Variants in DPYD observed in about 807,000 individuals in gnomAD.
DPYD encodes the protein dihydropyrimidine dehydrogenase [NADP(+)].
In DPYD, 109 loss-of-function variants were observed where a neutral mutation model predicts 116.2. The ratio of observed to expected loss-of-function variants is 0.94; its 90% CI spans 0.80 to 1.10. DPYD has a LOEUF of 1.10. DPYD is among the 50% of genes least tolerant of loss of function. DPYD has a pLI of 0.00. For synonymous variants in DPYD, 440 were observed against 432.0 expected, an observed-to-expected ratio of 1.02 and a Z score of -0.23; for missense variants, 1,302 against 1,254.5, an observed-to-expected ratio of 1.04 and a Z score of -0.57.
intron 2 of DPYD, among the ~76,000 whole-genome samples, chr1:97,863,938 G>C (rs1571492021): frequency 6.6e-6 from 1 of 151,990 alleles, no homozygotes; most frequent in Middle Eastern, 3.4e-3. Context: ...AGCACTCACT[G>C]ATTTCGTGTG....
rs1658503549 is a variant in DPYD, at chr1:97,193,181, A to AG, written c.2509dup (p.Leu837ProfsTer8). 6.2e-7 allele frequency: 1 copy of AG among 1,614,032 alleles called. No individual in the cohort carries two copies. The highest frequency in any genetic ancestry group is 8.5e-7 in the Non-Finnish European group (1 of 1,179,960). ...TTCTTCAATGCTTTTCAGATAAAGC[A>AG]GGGCTTTGAGGCCAGTGCAGTAGTC... On this transcript the variant is annotated frameshift_variant, in exon 20 of 23. Coordinates refer to ENST00000370192, the MANE Select transcript of DPYD (RefSeq NM_000110.4). LOFTEE classifies it high-confidence loss of function.
At chr1:97,167,559 G>T (rs1178340516) in intron 20 of DPYD, among the ~76,000 whole-genome samples, 2 of 152,156 alleles carry the variant, frequency 1.3e-5, no homozygotes, top group Non-Finnish European at 2.9e-5. Flanking sequence ...TGAATTGTGT[G>T]AAGAGTCATT....
intron 18 of DPYD, among the ~76,000 whole-genome samples, chr1:97,241,484 A>T (rs536839494): frequency 6.6e-6 from 1 of 152,162 alleles, no homozygotes; most frequent in East Asian, 1.9e-4. Flanking sequence ...TTTAAAAAGG[A>T]TGTAATACAT....
At chr1:97,779,741 G>T (rs1010061548) in intron 3 of DPYD, among the ~76,000 whole-genome samples, 1 of 151,886 alleles carries the variant, frequency 6.6e-6, no homozygotes, top group African/African-American at 2.4e-5. Context: ...ACTCCTGGTT[G>T]CATCTTTTTT....
intron 19 of DPYD, among the ~76,000 whole-genome samples, chr1:97,215,095 A>T (rs1660288058): frequency 6.6e-6 from 1 of 152,224 alleles, no homozygotes; most frequent in South Asian, 2.1e-4. Flanking sequence ...CATCTGTGGT[A>T]CACATACTTT....
intron 8 of DPYD, among the ~76,000 whole-genome samples, chr1:97,628,090 T>A (rs1165370715): frequency 2.0e-5 from 3 of 152,050 alleles, no homozygotes; most frequent in African/African-American, 7.2e-5. Context: ...GAAAACTGCC[T>A]GGATGTTGGG....
At chr1:97,268,996 C>A (rs969116442) in intron 18 of DPYD, among the ~76,000 whole-genome samples, 3 of 151,988 alleles carry the variant, frequency 2.0e-5, no homozygotes, top group African/African-American at 7.3e-5. Flanking sequence ...ATCTTTAAAA[C>A]ATTTCTCTCT....
At chr1:97,287,433 T>C (rs1278775563) in intron 18 of DPYD, among the ~76,000 whole-genome samples, 4 of 152,172 alleles carry the variant, frequency 2.6e-5, no homozygotes, top group African/African-American at 9.6e-5. Context: ...AGCTGCGTGC[T>C]GGGAGAACCA....
chr1:97,463,772 G>C (rs1320419267), intron 13 of DPYD, among the ~76,000 whole-genome samples: 1 of 152,170 alleles, frequency 6.6e-6, no homozygotes, highest in Non-Finnish European at 1.5e-5. Context: ...TTAGCAAAGA[G>C]ACTGGCAGCA....
intron 3 of DPYD, among the ~76,000 whole-genome samples, chr1:97,748,145 A>G (rs1376450709): frequency 1.3e-5 from 2 of 152,112 alleles, no homozygotes; most frequent in African/African-American, 4.8e-5. Context: ...TTTTCTCCAT[A>G]CGGGATTTCA....
chr1:97,852,800 G>A (rs1351339812), intron 2 of DPYD, among the ~76,000 whole-genome samples: 1 of 152,002 alleles, frequency 6.6e-6, no homozygotes. Flanking sequence ...CTGAAACACA[G>A]GCAAAAAATG....
intron 1 of DPYD, among the ~76,000 whole-genome samples, chr1:97,915,310 A>G (rs1208238714): frequency 6.6e-6 from 1 of 152,178 alleles, no homozygotes; most frequent in African/African-American, 2.4e-5. Context: ...TACAAAATAA[A>G]TAACTTCATA....
intron 19 of DPYD, among the ~76,000 whole-genome samples, chr1:97,229,671 G>T (rs759990967): frequency 1.0e-4 from 15 of 148,434 alleles, no homozygotes; most frequent in Non-Finnish European, 2.2e-4. Flanking sequence ...CAAGCTAATG[G>T]CAGAGCTGAA....
intron 12 of DPYD, chr1:97,546,872 C>A: frequency 1.2e-6 from 2 of 1,609,402 alleles, no homozygotes; most frequent in Non-Finnish European, 1.7e-6. Context: ...CAGTGGGATA[C>A]AGCAATAGAG....
At chr1:97,461,011 T>C (rs1436111047) in intron 13 of DPYD, among the ~76,000 whole-genome samples, 1 of 146,262 alleles carries the variant, frequency 6.8e-6, no homozygotes, top group African/African-American at 2.5e-5. Flanking sequence ...CACTCTAGCC[T>C]GGGCAACAAA....
chr1:97,721,625 C>T lies in DPYD; in HGVS notation c.368G>A (p.Gly123Asp). Residue 123 changes from glycine (G) to aspartate (D), a missense_variant, in exon 5 of 23, where the codon GGT becomes GAT. Coordinates refer to ENST00000370192, the MANE Select transcript of DPYD (RefSeq NM_000110.4). The stretch of plus-strand genomic sequence containing the variant: ...TGGACATACCATTCCACAAGTCAGA[C>T]CAAGTGGGTTGTCAGAAAATATCAT... ...AKMIFSDNPL[G>D]LTCGMVCPTS... is the part of the protein sequence containing the mutation. 6.2e-7 allele frequency: 1 copy of T among 1,611,614 alleles called. No individual in the cohort carries two copies. Among genetic ancestry groups the T allele is most frequent in the Non-Finnish European group, 8.5e-7 (1 of 1,178,330 alleles).
At chr1:97,518,226 A>C (rs906525590) in intron 12 of DPYD, among the ~76,000 whole-genome samples, 1 of 152,026 alleles carries the variant, frequency 6.6e-6, no homozygotes, top group African/African-American at 2.4e-5. Flanking sequence ...TCAAATGAGA[A>C]ATACAGCTTC....
chr1:97,120,922 T>G (rs1652380127), intron 20 of DPYD, among the ~76,000 whole-genome samples: 4 of 152,206 alleles, frequency 2.6e-5, no homozygotes, highest in Admixed American at 2.6e-4. Flanking sequence ...TGGTGATGCC[T>G]GAGCATATTA....
intron 3 of DPYD, among the ~76,000 whole-genome samples, chr1:97,803,920 C>A (rs1667956609): frequency 1.3e-5 from 2 of 151,712 alleles, no homozygotes; most frequent in African/African-American, 4.8e-5. Context: ...TCATATGTAC[C>A]TGGACTTAAA....
Sources: allele counts gnomAD v4.1 joint callset (sites outside exome capture counted in the v4.1 genomes callset), GRCh38; gene constraint gnomAD v4.1.1; transcripts MANE v1.5; gene names NCBI Gene and HGNC (gene_info 2026-07-23, HGNC 2026-07-21).